CNTN5: variants seen among roughly 807,000 people sequenced by gnomAD.
The protein encoded by CNTN5 is contactin 5, also known as contactin-5.
In CNTN5, 77 loss-of-function variants were observed where a neutral mutation model predicts 129.1. The observed-to-expected ratio is 0.60, with a 90% CI of 0.50 to 0.72. The LOEUF (loss-of-function observed/expected upper bound fraction) is 0.72. Among genes scored for constraint, CNTN5 ranks in the 30% least tolerant of loss-of-function variants. The pLI is 0.00. For synonymous variants in CNTN5, 509 were observed against 465.6 expected (o/e 1.09, Z -1.20); for missense variants, 1,478 against 1,328.8 (o/e 1.11, Z -1.75).
At chr11:99,837,684 T>TA (rs34378760) in intron 4 of CNTN5, among the ~76,000 whole-genome samples, 13,672 of 112,440 alleles carry the variant, frequency 0.12, 1,146 homozygotes, top group East Asian at 0.46. Flanking sequence ...CACACATGAG[T>TA]AAAAAAAAAA....
chr11:99,789,168 A>G (rs2135425892), intron 3 of CNTN5, among the ~76,000 whole-genome samples: 1 of 152,096 alleles, frequency 6.6e-6, no homozygotes, highest in Non-Finnish European at 1.5e-5. Flanking sequence ...TGTTGTAGCA[A>G]TATTAGATAT....
intron 21 of CNTN5, chr11:100,309,265 T>A: frequency 1.0e-6 from 1 of 984,156 alleles, no homozygotes; most frequent in East Asian, 1.1e-4. Flanking sequence ...GAGAAAATCA[T>A]CTTGTGTCTT....
chr11:100,353,030 A>G (rs746107190), intron 24 of CNTN5, among the ~76,000 whole-genome samples: 5 of 151,518 alleles, frequency 3.3e-5, no homozygotes, highest in Non-Finnish European at 7.4e-5. Context: ...CTGACTCTCT[A>G]AGGTTACTTT....
rs151020119 is a variant in CNTN5, at chr11:99,677,059, TAAAAAC to T, written c.55+120791_55+120796del. 1.0e-2 allele frequency among the ~76,000 whole-genome samples: 1,519 copies of T among 152,228 alleles called. 15 individuals carry two copies. Among genetic ancestry groups the T allele is most frequent in the Non-Finnish European group, 0.017 (1,151 of 67,964 alleles). ...TCCTACTCAATAACTATTTTTAAAATAAAAACGTTCTAAATCTCAGCAAAATAAGAT... is the reference window on the plus strand; with the variant it reads ...TCCTACTCAATAACTATTTTTAAAATGTTCTAAATCTCAGCAAAATAAGAT... On this transcript the variant is annotated intron_variant, in intron 3 of 24. Coordinates refer to ENST00000524871, the MANE Select transcript of CNTN5 (RefSeq NM_014361.4).
At chr11:99,689,323 C>G (rs1037386553) in intron 3 of CNTN5, among the ~76,000 whole-genome samples, 12 of 151,772 alleles carry the variant, frequency 7.9e-5, no homozygotes, top group South Asian at 2.1e-4. Flanking sequence ...GTCAGGAGAT[C>G]GAGACCATCC....
rs77184448 is a variant in CNTN5, at chr11:99,854,952, T to C, written c.577+9690T>C. Among the ~76,000 whole-genome samples the C allele has an allele frequency of 8.5e-3, 1,297 of 152,180 alleles. 16 individuals are homozygous for C. The highest frequency in any genetic ancestry group is 0.029 in the African/African-American group (1,222 of 41,496). On this transcript the variant is annotated intron_variant, in intron 6 of 24. Transcript: ENST00000524871. The stretch of plus-strand genomic sequence containing the variant: ...AAGGATGATGCAATAAAATAGAGTA[T>C]AATACAAATGATGTTCAAAGTTTAA...
intron 6 of CNTN5, among the ~76,000 whole-genome samples, chr11:99,915,549 A>G (rs1290920911): frequency 6.6e-6 from 1 of 152,148 alleles, no homozygotes; most frequent in Non-Finnish European, 1.5e-5. Flanking sequence ...TAGAAAAAGA[A>G]TGCTTTTTCT....
chr11:100,071,533 A>G (rs1943923636), intron 11 of CNTN5, among the ~76,000 whole-genome samples, 172 bp from the exon 12 acceptor site: 1 of 152,212 alleles, frequency 6.6e-6, no homozygotes, highest in East Asian at 1.9e-4. Flanking sequence ...TATAATTTAC[A>G]AGTGGCATGT....
At chr11:100,185,697 A>C (rs993675688) in intron 13 of CNTN5, among the ~76,000 whole-genome samples, 1 of 152,184 alleles carries the variant, frequency 6.6e-6, no homozygotes, top group African/African-American at 2.4e-5. Context: ...AAATGTGTTC[A>C]TAAGTATAGG....
At chr11:99,853,412 T>A (rs1947937428) in intron 6 of CNTN5, among the ~76,000 whole-genome samples, 1 of 151,856 alleles carries the variant, frequency 6.6e-6, no homozygotes, top group African/African-American at 2.4e-5. Context: ...TATATATATT[T>A]TTTTGAGACG....
intron 20 of CNTN5, among the ~76,000 whole-genome samples, chr11:100,305,727 T>C (rs970736122): frequency 2.0e-5 from 3 of 151,544 alleles, no homozygotes; most frequent in Non-Finnish European, 4.4e-5. Flanking sequence ...CAGTTGAAAA[T>C]GTTCACTTGG....
At chr11:99,634,035 G>T (rs1485545560) in intron 3 of CNTN5, among the ~76,000 whole-genome samples, 1 of 152,160 alleles carries the variant, frequency 6.6e-6, no homozygotes, top group African/African-American at 2.4e-5. Flanking sequence ...AAGCAATAAA[G>T]AGTGTTAAGT....
intron 7 of CNTN5, among the ~76,000 whole-genome samples, chr11:99,943,886 G>C (rs563176171): frequency 6.6e-6 from 1 of 152,048 alleles, no homozygotes; most frequent in Middle Eastern, 3.4e-3. Flanking sequence ...CTGTTCCATT[G>C]GTCTATATAT....
intron 6 of CNTN5, among the ~76,000 whole-genome samples, chr11:99,868,219 A>T (rs1168779995): frequency 4.4e-5 from 6 of 135,200 alleles, no homozygotes; most frequent in African/African-American, 1.6e-4. Flanking sequence ...TCCATCTCAT[A>T]AAAAAAAAAA....
At chr11:99,255,889 G>T (rs1862355671) in intron 1 of CNTN5, among the ~76,000 whole-genome samples, 1 of 151,420 alleles carries the variant, frequency 6.6e-6, no homozygotes, top group African/African-American at 2.4e-5. Flanking sequence ...CTCTGATAAA[G>T]CTTTATACTT....
intron 15 of CNTN5, 54 bp downstream of exon 15, chr11:100,193,717 T>A: frequency 6.6e-7 from 1 of 1,517,046 alleles, no homozygotes; most frequent in Non-Finnish European, 9.0e-7. Flanking sequence ...AAATTTTGAA[T>A]CAAATGTAAG....
At chr11:100,138,106 C>T (rs1448014702) in intron 13 of CNTN5, among the ~76,000 whole-genome samples, 1 of 151,856 alleles carries the variant, frequency 6.6e-6, no homozygotes, top group African/African-American at 2.4e-5. Context: ...TAGGGTGCCA[C>T]TCATTAAGAT....
chr11:99,869,045 G>A (rs1346524580), intron 6 of CNTN5, among the ~76,000 whole-genome samples: 1 of 152,038 alleles, frequency 6.6e-6, no homozygotes, highest in Non-Finnish European at 1.5e-5. Flanking sequence ...TTCTGATTCA[G>A]CCCCACTTAT....
At chr11:99,105,908 G>T (rs941934189) in intron 1 of CNTN5, among the ~76,000 whole-genome samples, 3 of 152,040 alleles carry the variant, frequency 2.0e-5, no homozygotes, top group East Asian at 1.9e-4. Flanking sequence ...GACCTGTAGA[G>T]AAAAATAAAA....
Sources: allele counts gnomAD v4.1 joint callset (sites outside exome capture counted in the v4.1 genomes callset), GRCh38; gene constraint gnomAD v4.1.1; transcripts MANE v1.5; gene names NCBI Gene and HGNC (gene_info 2026-07-23, HGNC 2026-07-21).